SLC7A6OS: variants seen among roughly 807,000 people sequenced by gnomAD.
The protein encoded by SLC7A6OS is probable RNA polymerase II nuclear localization protein SLC7A6OS.
SLC7A6OS carries 22 observed loss-of-function variants against 34.3 expected under a neutral mutation model. That is an observed-to-expected ratio of 0.64 (90% CI 0.46 to 0.92). SLC7A6OS has a LOEUF of 0.92. Among genes scored for constraint, SLC7A6OS ranks in the 40% least tolerant of loss-of-function variants. SLC7A6OS has a pLI of 0.00. For synonymous variants in SLC7A6OS, 199 were observed against 165.0 expected (o/e 1.21, Z -1.58); for missense variants, 434 against 407.7 (o/e 1.06, Z -0.56).
intron 2 of SLC7A6OS, among the ~76,000 whole-genome samples, chr16:68,305,551 C>T (rs964498543): frequency 5.3e-5 from 8 of 152,048 alleles, no homozygotes; most frequent in South Asian, 2.1e-4. Flanking sequence ...GCAGACACCA[C>T]GCAGGAAAAT....
Position 68,299,611 on chromosome 16 carries a change from C to T in SLC7A6OS, c.*1664G>A, listed in dbSNP as rs577658744. On this transcript the variant is annotated 3_prime_UTR_variant, in exon 5 of 5. Transcript: ENST00000263997. ...TGAGTACAGTTTATTAAGTTGTCAG[C>T]CCTTTAATATTGGGGAAACTTAATG... 1 of 152,274 alleles carries T rather than the reference C, an allele frequency of 6.6e-6. No individual in the cohort carries two copies. Among genetic ancestry groups the T allele is most frequent in the African/African-American group, 2.4e-5 (1 of 41,558 alleles). The allele number at this position is 152,274 out of a possible 1,614,324, so 9.4% of individuals were successfully genotyped here.
intron 2 of SLC7A6OS, among the ~76,000 whole-genome samples, chr16:68,309,101 G>GTT (rs757280888): frequency 6.8e-6 from 1 of 146,846 alleles, no homozygotes. Context: ...GAATTTTCTG[G>GTT]TTTTTTTTTT....
chr16:68,302,750 GGA>G (rs2043294296), intron 3 of SLC7A6OS, among the ~76,000 whole-genome samples: 1 of 152,192 alleles, frequency 6.6e-6, no homozygotes, highest in African/African-American at 2.4e-5. Flanking sequence ...AGGGAAAAGA[GGA>G]GTGATGGCTC....
chr16:68,310,906 A>G lies in SLC7A6OS; in HGVS notation c.21T>C (p.Ala7=), dbSNP rs900173764. 6.9e-6 allele frequency: 11 copies of G among 1,593,882 alleles called. No homozygotes were observed. Among genetic ancestry groups the G allele is most frequent in the South Asian group, 2.2e-5 (2 of 89,666 alleles). The change falls in exon 1 of 5, where the codon GCT becomes GCC. Residue 7 remains alanine (A), a synonymous_variant. Transcript: ENST00000263997. ...TGCGCTTCCGCTTCACCCGGAGTAC[A>G]GCGGTCCTGGCGGCCTCCATAGTGG... MEAART[A]VLRVKRKRSA... is the part of the protein sequence containing the mutation.
chr16:68,300,060 G>C lies in SLC7A6OS; in HGVS notation c.*1215C>G, dbSNP rs962374598. 18 of 152,184 alleles carry C rather than the reference G, an allele frequency of 1.2e-4. No individual in the cohort carries two copies. The highest frequency in any genetic ancestry group is 4.3e-4 in the African/African-American group (18 of 41,414). The allele number at this position is 152,184 out of a possible 1,614,324, so 9.4% of individuals were successfully genotyped here. On this transcript the variant is annotated 3_prime_UTR_variant, in exon 5 of 5. Coordinates refer to ENST00000263997, the MANE Select transcript of SLC7A6OS (RefSeq NM_032178.3). ...CACCTTCCCCCATGACAGTGAGTAA[G>C]AGACACTCACAGGCTATGAGGGTAC...
At chr16:68,308,871 G>A (rs891432218) in intron 2 of SLC7A6OS, among the ~76,000 whole-genome samples, 4 of 151,732 alleles carry the variant, frequency 2.6e-5, no homozygotes, top group African/African-American at 9.7e-5. Flanking sequence ...GGCCAACATA[G>A]CGAAACCCCG....
intron 2 of SLC7A6OS, among the ~76,000 whole-genome samples, chr16:68,309,454 CT>C (rs2043380141): frequency 6.6e-6 from 1 of 152,008 alleles, no homozygotes; most frequent in African/African-American, 2.4e-5. Context: ...TAGCCTTGAC[CT>C]CCCCAGGCTC....
At position 68,300,193 on chromosome 16, in the gene SLC7A6OS, TCA is replaced by T. The variant is rs1370488248; in HGVS notation, c.*1080_*1081del. Reference sequence around the variant, plus strand: ...ATTAAAATGAAATAAAATTAAAAGCTCAGTTTCTCAGTTGCGCTAATCACATT... The same window carrying T: ...ATTAAAATGAAATAAAATTAAAAGCTGTTTCTCAGTTGCGCTAATCACATT... On this transcript the variant is annotated 3_prime_UTR_variant, in exon 5 of 5. Transcript: ENST00000263997. The T allele has an allele frequency of 6.6e-6, 1 of 152,174 alleles. No individual in the cohort carries two copies. The highest frequency in any genetic ancestry group is 1.5e-5 in the Non-Finnish European group (1 of 68,038). The allele number at this position is 152,174 out of a possible 1,614,324, so 9.4% of individuals were successfully genotyped here.
chr16:68,310,862 G>A lies in SLC7A6OS; in HGVS notation c.65C>T (p.Ala22Val), dbSNP rs772301434. 53 of 1,611,224 alleles carry A rather than the reference G, an allele frequency of 3.3e-5. No homozygotes were observed. Among genetic ancestry groups the A allele is most frequent in the Non-Finnish European group, 4.2e-5 (49 of 1,179,432 alleles). The change falls in exon 1 of 5, where the codon GCT becomes GTT. Residue 22 changes from alanine (A) to valine (V), a missense_variant. Ala to Val is a moderately conservative substitution (Grantham distance 64, BLOSUM62 0). Coordinates refer to ENST00000263997, the MANE Select transcript of SLC7A6OS (RefSeq NM_032178.3). ...KRKRSAEPAE[A>V]LVLACKRLRS... ...GAGGCGTTTACAAGCGAGCACAAGA[G>A]CCTCCGCCGGCTCCGCACTGCGCTT... is the stretch of plus-strand genomic sequence containing the variant.
In SLC7A6OS at chr16:68,301,149, T is replaced by C. The variant is rs2043265204; in HGVS notation, c.*126A>G. The C allele has an allele frequency of 5.5e-6, 8 of 1,460,624 alleles. 1 individual carries two copies. In the South Asian group the frequency reaches 9.0e-5, roughly 16 times the overall value. 90.5% of individuals were successfully genotyped at this position (1,460,624 alleles called of 1,614,324 possible). A position where few individuals can be genotyped will look rare whatever the true frequency, so the allele number is the denominator to read the frequency against. On this transcript the variant is annotated 3_prime_UTR_variant, in exon 5 of 5. Coordinates refer to ENST00000263997, the MANE Select transcript of SLC7A6OS (RefSeq NM_032178.3). ...TGTGGTGGGATGGTGCCGCCCGATATGCTTGATATGCTTTTCCTTCCACAT... is the reference window on the plus strand; with the variant it reads ...TGTGGTGGGATGGTGCCGCCCGATACGCTTGATATGCTTTTCCTTCCACAT...
intron 2 of SLC7A6OS, among the ~76,000 whole-genome samples, chr16:68,309,261 A>C (rs1372949413): frequency 1.3e-5 from 2 of 151,930 alleles, no homozygotes; most frequent in African/African-American, 4.8e-5. Flanking sequence ...TGCCCAGCTA[A>C]TTTCCTCTTC....
At chr16:68,302,819 G>A (rs886481041) in intron 3 of SLC7A6OS, among the ~76,000 whole-genome samples, 5 of 152,202 alleles carry the variant, frequency 3.3e-5, no homozygotes, top group Non-Finnish European at 7.3e-5. Flanking sequence ...TAAGAGGTGC[G>A]GAAAGGCAGG....
At chr16:68,305,410 A>C (rs1168202759) in intron 2 of SLC7A6OS, among the ~76,000 whole-genome samples, 1 of 152,228 alleles carries the variant, frequency 6.6e-6, no homozygotes, top group Non-Finnish European at 1.5e-5. Flanking sequence ...TGGCCCAGGT[A>C]AGATGTGCTC....
chr16:68,303,258 C>CTT (rs1171599026), intron 3 of SLC7A6OS, among the ~76,000 whole-genome samples: 18 of 96,306 alleles, frequency 1.9e-4, no homozygotes, highest in Admixed American at 3.5e-4. Flanking sequence ...AGCGAGACTC[C>CTT]ATCTCAAAAA....
chr16:68,303,899 T>C, intron 3 of SLC7A6OS, 127 bp downstream of exon 3: 2 of 838,474 alleles, frequency 2.4e-6, no homozygotes, highest in Non-Finnish European at 3.7e-6. Context: ...GAATAATTTC[T>C]TCCTTTTCAG....
At position 68,302,369 on chromosome 16, in the gene SLC7A6OS, G is replaced by A. The variant is rs1166583405; in HGVS notation, c.799+12C>T. On this transcript the variant is annotated intron_variant, in intron 4 of 4. Transcript: ENST00000263997. ...TCCTACCAGTCCCTCCCGGTCTGGG[G>A]CTGCCACCCACCTCTGGAATCCTCA... 1 of 1,613,840 alleles carries A rather than the reference G, an allele frequency of 6.2e-7. No homozygotes were observed.
intron 2 of SLC7A6OS, among the ~76,000 whole-genome samples, chr16:68,306,543 AT>A (rs2043327825): frequency 2.0e-5 from 3 of 151,922 alleles, no homozygotes; most frequent in Non-Finnish European, 4.4e-5. Context: ...GGCGGTTTTC[AT>A]TATGTTGCCC....
rs954542826 is a variant in SLC7A6OS at position 68,310,720 on chromosome 16, C to T, written c.192+15G>A. On this transcript the variant is annotated intron_variant, in intron 1 of 4. Coordinates refer to ENST00000263997, the MANE Select transcript of SLC7A6OS (RefSeq NM_032178.3). ...CCGAAGATGCCCTCCACACCAGCTG[C>T]ACCACGCCCAATACCTGGGAGCACA... 1 of 1,596,048 alleles carries T rather than the reference C, an allele frequency of 6.3e-7. No individual in the cohort carries two copies. The highest frequency in any genetic ancestry group is 8.6e-7 in the Non-Finnish European group (1 of 1,167,606).
chr16:68,302,319 A>G (rs2043289868), intron 4 of SLC7A6OS, 62 bp downstream of exon 4: 6 of 1,597,320 alleles, frequency 3.8e-6, no homozygotes, highest in African/African-American at 1.3e-5. Flanking sequence ...GCACCTGTCA[A>G]CTATGCCTGC....
Sources: allele counts gnomAD v4.1 joint callset (sites outside exome capture counted in the v4.1 genomes callset), GRCh38; gene constraint gnomAD v4.1.1; transcripts MANE v1.5; gene names NCBI Gene and HGNC (gene_info 2026-07-23, HGNC 2026-07-21).